The following DSTYK variants were observed in gnomAD, a reference collection of about 807,000 sequenced individuals.
The protein encoded by DSTYK is RIP-homologous kinase.
Under a neutral mutation model 98.7 loss-of-function variants are expected in DSTYK, and 34 were observed. The ratio of observed to expected loss-of-function variants is 0.34; its 90% CI spans 0.26 to 0.46. The LOEUF (loss-of-function observed/expected upper bound fraction) is 0.46, where lower values mean the gene tolerates loss of function less well. DSTYK is among the 20% of genes least tolerant of loss of function. The pLI is 1.00. For synonymous variants in DSTYK, 462 were observed against 457.3 expected, an observed-to-expected ratio of 1.01 and a Z score of -0.13; for missense variants, 962 against 1,181.7, an observed-to-expected ratio of 0.81 and a Z score of 2.73.
Position 205,211,320 on chromosome 1 carries a change from C to CCCG in DSTYK, c.213_215dup (p.Gly72dup), listed in dbSNP as rs1659369727. 2 of 1,610,630 alleles carry CCCG rather than the reference C, an allele frequency of 1.2e-6. No homozygotes were observed. The highest frequency in any genetic ancestry group is 2.2e-5 in the East Asian group (1 of 44,646). On this transcript the variant is annotated inframe_insertion, in exon 1 of 13. Coordinates refer to ENST00000367162, the MANE Select transcript of DSTYK (RefSeq NM_015375.3). ...CATCGCCTGCAGGGCCGCGCTCGGC[C>CCCG]CCGCCGCCGCCCGTGAGGGAGGAGA... is the stretch of plus-strand genomic sequence containing the variant.
At chr1:205,175,425 A>G (rs993027138) in intron 2 of DSTYK, among the ~76,000 whole-genome samples, 10 of 152,124 alleles carry the variant, frequency 6.6e-5, no homozygotes, top group African/African-American at 2.4e-4. Flanking sequence ...CCTTGTACTA[A>G]ACAAAAATGG....
At chr1:205,192,137 C>A (rs749702759) in intron 1 of DSTYK, among the ~76,000 whole-genome samples, 1 of 152,140 alleles carries the variant, frequency 6.6e-6, no homozygotes, top group Non-Finnish European at 1.5e-5. Flanking sequence ...TTTTACATAA[C>A]ATTTATTGAG....
rs201623661 is a variant in DSTYK, at chr1:205,169,214, T to G, written c.1273A>C (p.Asn425His). The change falls in exon 3 of 13, where the codon AAT (asparagine) becomes CAT (histidine). Residue 425 changes from asparagine to histidine, a missense_variant. This residue lies in a region of DSTYK where 660 missense variants were observed against 855.0 expected (regional missense o/e 0.77). Coordinates refer to ENST00000367162, the MANE Select transcript of DSTYK (RefSeq NM_015375.3). The surrounding 1 kb of genome is among the most constrained non-coding windows in gnomAD (Gnocchi z 4.0). The stretch of plus-strand genomic sequence containing the variant: ...TCCAGAAGTTCCTCCTTCATGGTAT[T>G]AAGTGTCTCAACAATCATATCCTTC... ...EMKDMIVETL[N>H]TMKEELLDDA... 40 of 1,613,184 alleles carry G rather than the reference T, an allele frequency of 2.5e-5. No homozygotes were observed. Among genetic ancestry groups the G allele is most frequent in the Non-Finnish European group, 3.4e-5 (40 of 1,179,422 alleles).
In DSTYK at chr1:205,169,861, C is replaced by T. The variant is rs374252251; in HGVS notation, c.655-29G>A. Reference sequence around the variant, plus strand: ...GAAGGGGAAGGGGGTCATATATCAGCGCCTCAGGGTCAGAACCAATCCCTG... The same window carrying T: ...GAAGGGGAAGGGGGTCATATATCAGTGCCTCAGGGTCAGAACCAATCCCTG... On this transcript the variant is annotated intron_variant, in intron 2 of 12. Coordinates refer to ENST00000367162, the MANE Select transcript of DSTYK (RefSeq NM_015375.3). The surrounding 1 kb of genome is among the most constrained non-coding windows in gnomAD (Gnocchi z 4.0). The T allele has an allele frequency of 1.3e-5, 20 of 1,581,580 alleles. No individual in the cohort carries two copies. Among genetic ancestry groups the T allele is most frequent in the South Asian group, 5.8e-5 (5 of 86,668 alleles).
At chr1:205,149,777 G>A (rs1657350443) in intron 11 of DSTYK, among the ~76,000 whole-genome samples, 3 of 152,088 alleles carry the variant, frequency 2.0e-5, no homozygotes, top group Admixed American at 2.0e-4. Context: ...ATTCTTCTGT[G>A]GGAATTTCAA....
chr1:205,162,001 T>C (rs748868602), intron 6 of DSTYK, 35 bp downstream of exon 6: 4 of 1,595,400 alleles, frequency 2.5e-6, no homozygotes, highest in Non-Finnish European at 3.4e-6. Flanking sequence ...TCTTCTCTGC[T>C]TGATCCAGCT....
intron 2 of DSTYK, among the ~76,000 whole-genome samples, chr1:205,174,445 G>T (rs1027591523): frequency 1.4e-4 from 21 of 150,948 alleles, no homozygotes; most frequent in South Asian, 4.2e-4. Flanking sequence ...CCCAGAAGGA[G>T]GAGGTTGCAG....
At chr1:205,164,028 C>T in intron 3 of DSTYK, 73 bp from the exon 4 acceptor site, 1 of 1,262,566 alleles carries the variant, frequency 7.9e-7, no homozygotes, top group Non-Finnish European at 1.1e-6. Context: ...AGTCATCTCC[C>T]AAATCAGAAC....
At chr1:205,176,238 G>A (rs1206323436) in intron 2 of DSTYK, among the ~76,000 whole-genome samples, 1 of 152,068 alleles carries the variant, frequency 6.6e-6, no homozygotes, top group East Asian at 1.9e-4. Context: ...AGCATTTAGG[G>A]AGGCCGAGAC....
Position 205,183,084 on chromosome 1 carries a change from A to AAG in DSTYK, c.654+4333_654+4334insCT, listed in dbSNP as rs1558617385. On this transcript the variant is annotated intron_variant, in intron 2 of 12. Transcript: ENST00000367162. ...GTTCACAGGAAAAAAAAAAAAGCAC[A>AAG]CACACACACACACACACAGAGATAT... Among the ~76,000 whole-genome samples, 12 of 148,970 alleles carry AAG rather than the reference A, an allele frequency of 8.1e-5. No homozygotes were observed. The South Asian group carries it at 1.3e-3, about 16-fold the overall frequency.
intron 2 of DSTYK, among the ~76,000 whole-genome samples, chr1:205,176,033 A>T (rs1369685079): frequency 6.6e-6 from 1 of 152,218 alleles, no homozygotes; most frequent in Admixed American, 6.5e-5. Flanking sequence ...AAGTAAAAAG[A>T]ATCTCAAGGA....
At chr1:205,185,136 G>A (rs1018645934) in intron 2 of DSTYK, among the ~76,000 whole-genome samples, 16 of 152,082 alleles carry the variant, frequency 1.1e-4, no homozygotes, top group African/African-American at 3.9e-4. Context: ...GGAAGGCGGA[G>A]GTTGCAGTGA....
intron 10 of DSTYK, among the ~76,000 whole-genome samples, chr1:205,154,522 G>A (rs543897148): frequency 8.5e-5 from 13 of 152,244 alleles, no homozygotes; most frequent in South Asian, 6.2e-4. Context: ...CCAGCCTTGC[G>A]GAACTGTGAG....
Position 205,211,257 on chromosome 1 carries a change from G to C in DSTYK, c.265+14C>G. The stretch of plus-strand genomic sequence containing the variant: ...CCTCTCCTGCCCTCTCTCCCTCCGG[G>C]CTGCCCTCCTTACCCGCCTGCAGCC... On this transcript the variant is annotated intron_variant, in intron 1 of 12. Coordinates refer to ENST00000367162, the MANE Select transcript of DSTYK (RefSeq NM_015375.3). 6.3e-7 allele frequency: 1 copy of C among 1,593,544 alleles called. No individual in the cohort carries two copies. The highest frequency in any genetic ancestry group is 8.5e-7 in the Non-Finnish European group (1 of 1,171,912).
chr1:205,157,761 C>CA (rs11404936), intron 9 of DSTYK, among the ~76,000 whole-genome samples: 62,006 of 107,766 alleles, frequency 0.58, 16,943 homozygotes, highest in Non-Finnish European at 0.67. Flanking sequence ...GACTCTGTCT[C>CA]AAAAAAAAAA....
intron 1 of DSTYK, among the ~76,000 whole-genome samples, chr1:205,207,141 C>G (rs112707141): frequency 6.7e-6 from 1 of 149,574 alleles, no homozygotes; most frequent in South Asian, 2.1e-4. Flanking sequence ...TGCAATGGCT[C>G]GATCTCGACT....
intron 10 of DSTYK, among the ~76,000 whole-genome samples, chr1:205,154,203 T>C (rs1193262735): frequency 6.6e-6 from 1 of 152,020 alleles, no homozygotes; most frequent in African/African-American, 2.4e-5. Context: ...TTCAAAACAG[T>C]GTAGGGGGAA....
At chr1:205,149,208 T>G (rs11240370) in intron 11 of DSTYK, among the ~76,000 whole-genome samples, 46,311 of 151,498 alleles carry the variant, frequency 0.31, 8,769 homozygotes, top group Non-Finnish European at 0.43. Context: ...GCCGAAAGTT[T>G]TTTTTTTTTT....
chr1:205,176,748 C>T (rs1009799313), intron 2 of DSTYK, among the ~76,000 whole-genome samples: 7 of 151,918 alleles, frequency 4.6e-5, no homozygotes, highest in South Asian at 2.1e-4. Context: ...CAGCCAGTGA[C>T]GCTATTTTAA....
Sources: allele counts gnomAD v4.1 joint callset (sites outside exome capture counted in the v4.1 genomes callset), GRCh38; gene constraint gnomAD v4.1.1; regional missense constraint gnomAD v4.1.1; non-coding constraint Gnocchi (gnomAD v3.1); transcripts MANE v1.5; gene names NCBI Gene and HGNC (gene_info 2026-07-23, HGNC 2026-07-21).